Variants in TENM3 observed in about 807,000 individuals in gnomAD.
TENM3 encodes teneurin transmembrane protein 3, also known as teneurin-3.
TENM3 carries 63 observed loss-of-function variants against 255.1 expected under a neutral mutation model. The ratio of observed to expected loss-of-function variants is 0.25; its 90% CI spans 0.20 to 0.30. The LOEUF (loss-of-function observed/expected upper bound fraction) is 0.30. Ranked by LOEUF, TENM3 falls within the 10% of genes least tolerant of loss-of-function variation. The pLI is 1.00. For missense variants in TENM3, 2,929 were observed against 3,461.1 expected, an observed-to-expected ratio of 0.85 and a Z score of 3.86; for synonymous variants, 1,306 against 1,322.3, an observed-to-expected ratio of 0.99 and a Z score of 0.27.
intron 6 of TENM3, among the ~76,000 whole-genome samples, chr4:182,662,281 TAC>T (rs796830569): frequency 1.3e-5 from 2 of 152,294 alleles, no homozygotes; most frequent in South Asian, 2.1e-4. Context: ...GACACATACT[TAC>T]TGATGAAAGA....
chr4:182,496,647 T>C (rs1735798942), intron 3 of TENM3, among the ~76,000 whole-genome samples: 1 of 152,226 alleles, frequency 6.6e-6, no homozygotes, highest in Non-Finnish European at 1.5e-5. Context: ...TTGTCAATTG[T>C]AGCTTCATTA....
At chr4:181,480,745 C>A in the TENM3 span, among the ~76,000 whole-genome samples, 2 of 148,762 alleles carry the variant, frequency 1.3e-5, no homozygotes, top group Non-Finnish European at 3.0e-5. Flanking sequence ...ATATATATAT[C>A]CAGATGAAAC....
chr4:182,785,597 A>T (rs1765578735), intron 24 of TENM3, among the ~76,000 whole-genome samples: 1 of 150,432 alleles, frequency 6.6e-6, no homozygotes, highest in Admixed American at 6.6e-5. Flanking sequence ...CGTCTCAGCT[A>T]CTCACGGGGC....
At chr4:181,862,005 A>C in the TENM3 span, among the ~76,000 whole-genome samples, 1 of 152,028 alleles carries the variant, frequency 6.6e-6, no homozygotes, top group Non-Finnish European at 1.5e-5. Context: ...TCCTCTTCTG[A>C]TCTATGCTCA....
chr4:181,910,206 C>A, the TENM3 span, among the ~76,000 whole-genome samples: 2 of 152,132 alleles, frequency 1.3e-5, no homozygotes, highest in African/African-American at 4.8e-5. Context: ...CACACACATT[C>A]TTTTCTTATT....
chr4:182,088,947 T>C, the TENM3 span, among the ~76,000 whole-genome samples: 1 of 152,142 alleles, frequency 6.6e-6, no homozygotes, highest in Non-Finnish European at 1.5e-5. Flanking sequence ...CAAGGTCATA[T>C]TAGAATGTGG....
chr4:181,643,420 A>G, the TENM3 span, among the ~76,000 whole-genome samples: 2 of 152,210 alleles, frequency 1.3e-5, no homozygotes, highest in African/African-American at 4.8e-5. Context: ...TAAATATACA[A>G]TCATGTCATC....
At chr4:182,319,174 A>G (rs1433921000) in intron 1 of TENM3, among the ~76,000 whole-genome samples, 1 of 152,162 alleles carries the variant, frequency 6.6e-6, no homozygotes, top group Non-Finnish European at 1.5e-5. Flanking sequence ...AGCTAATGTC[A>G]TATTCATTAA....
chr4:182,294,077 G>A lies in TENM3; in HGVS notation c.-75-29869G>A, dbSNP rs75805105. Reference sequence around the variant, plus strand: ...CTCTACCAGGGAGTCGGAAGCATTGGAGTCAGCATCACAGATCCCTACCAT... The same window carrying A: ...CTCTACCAGGGAGTCGGAAGCATTGAAGTCAGCATCACAGATCCCTACCAT... On this transcript the variant is annotated intron_variant, in intron 1 of 27. Coordinates refer to ENST00000511685, the MANE Select transcript of TENM3 (RefSeq NM_001080477.4). 6.0e-3 allele frequency among the ~76,000 whole-genome samples: 906 copies of A among 152,086 alleles called. 4 individuals carry two copies. Among genetic ancestry groups the A allele is most frequent in the Non-Finnish European group, 7.9e-3 (539 of 67,992 alleles).
chr4:181,875,498 A>T, the TENM3 span, among the ~76,000 whole-genome samples: 1 of 151,256 alleles, frequency 6.6e-6, no homozygotes, highest in Admixed American at 6.6e-5. Flanking sequence ...TAGGTTTTAA[A>T]TGTGGTCAAA....
chr4:182,146,876 G>A (rs988892294), intron 1 of TENM3, among the ~76,000 whole-genome samples: 2 of 152,104 alleles, frequency 1.3e-5, no homozygotes, highest in Admixed American at 1.3e-4. Flanking sequence ...ATTTTGCATG[G>A]CTGTGTTTAT....
At chr4:182,626,834 C>T (rs2152466009) in intron 4 of TENM3, among the ~76,000 whole-genome samples, 1 of 152,242 alleles carries the variant, frequency 6.6e-6, no homozygotes, top group South Asian at 2.1e-4. Context: ...TTTGACAAAG[C>T]ATTTTTTAGA....
At chr4:182,161,963 A>G (rs1378027578) in intron 1 of TENM3, among the ~76,000 whole-genome samples, 927 of 4,048 alleles carry the variant, frequency 0.23, 197 homozygotes, top group African/African-American at 0.26. Flanking sequence ...GTGTGTGTAT[A>G]TATATATATA....
chr4:181,871,177 A>G, the TENM3 span, among the ~76,000 whole-genome samples: 13 of 148,464 alleles, frequency 8.8e-5, no homozygotes, highest in African/African-American at 2.9e-4. Context: ...ATCAGGTGAT[A>G]TAAGTCCCCC....
At chr4:181,816,967 A>G in the TENM3 span, among the ~76,000 whole-genome samples, 2 of 152,190 alleles carry the variant, frequency 1.3e-5, 1 homozygote, top group South Asian at 4.1e-4. Context: ...CATTTTATAG[A>G]TAAGTAAACT....
the TENM3 span, among the ~76,000 whole-genome samples, chr4:181,794,531 T>G: frequency 6.6e-6 from 1 of 152,160 alleles, no homozygotes; most frequent in African/African-American, 2.4e-5. Context: ...ACAAGTGAGA[T>G]CCTGCAGTAT....
rs11369655 is a variant in TENM3 at position 182,720,766 on chromosome 4, C to CTTTTTTTTTTTT, written c.2368+6540_2368+6551dup. On this transcript the variant is annotated intron_variant, in intron 13 of 27. Transcript: ENST00000511685. ...CGGGTTGGTACTAAAAGTCTCCCCTCTTTTTTTTTTTTTTTTTTGAGACAG... is the reference window on the plus strand; with the variant it reads ...CGGGTTGGTACTAAAAGTCTCCCCTCTTTTTTTTTTTTTTTTTTTTTTTTTTTTTTGAGACAG... 3.9e-4 allele frequency among the ~76,000 whole-genome samples: 51 copies of CTTTTTTTTTTTT among 129,794 alleles called. 1 individual carries two copies. Among genetic ancestry groups the CTTTTTTTTTTTT allele is most frequent in the Non-Finnish European group, 5.7e-4 (35 of 60,988 alleles). 85.1% of individuals were successfully genotyped at this position (129,794 alleles called of 152,430 possible).
intron 3 of TENM3, among the ~76,000 whole-genome samples, chr4:182,511,736 A>C (rs2151722289): frequency 6.6e-6 from 1 of 152,312 alleles, no homozygotes; most frequent in Admixed American, 6.5e-5. Context: ...CAATTTGTTT[A>C]GGTTTTTTAA....
the TENM3 span, among the ~76,000 whole-genome samples, chr4:181,748,185 A>C: frequency 6.6e-6 from 1 of 152,070 alleles, no homozygotes; most frequent in Non-Finnish European, 1.5e-5. Flanking sequence ...TTGATGTTTC[A>C]ATTTGAACTG....
Sources: allele counts gnomAD v4.1 joint callset (sites outside exome capture counted in the v4.1 genomes callset), GRCh38; gene constraint gnomAD v4.1.1; transcripts MANE v1.5; gene names NCBI Gene and HGNC (gene_info 2026-07-23, HGNC 2026-07-21).